The following OR4K14 variants were observed in gnomAD, a reference collection of about 807,000 sequenced individuals.
The protein encoded by OR4K14 is olfactory receptor 4K14.
For synonymous variants in OR4K14, 153 were observed against 141.5 expected (o/e 1.08, Z -0.58); for missense variants, 406 against 373.6 (o/e 1.09, Z -0.72).
chr14:20,014,356 T>TA lies in OR4K14; in HGVS notation c.837dup (p.Thr280TyrfsTer14). The TA allele has an allele frequency of 5.0e-6, 8 of 1,613,140 alleles. No individual in the cohort carries two copies. The highest frequency in any genetic ancestry group is 5.9e-6 in the Non-Finnish European group (7 of 1,179,608). ...TAGATAATGGGGTTCAGGAGTGGAG[T>TA]AAAAATGGTATAAAACACAGACAGC... On this transcript the variant is annotated frameshift_variant, in exon 2 of 2. Coordinates refer to ENST00000641793, the MANE Select transcript of OR4K14 (RefSeq NM_001004712.2). LOFTEE classifies it low-confidence loss of function (END_TRUNC).
intron 1 of OR4K14, among the ~76,000 whole-genome samples, chr14:20,016,375 G>A (rs1877100235): frequency 1.3e-5 from 2 of 151,714 alleles, no homozygotes; most frequent in African/African-American, 2.4e-5. Flanking sequence ...GACTATGGGC[G>A]GGGGGTGATG....
At chr14:20,016,010 A>C (rs1877090556) in intron 1 of OR4K14, among the ~76,000 whole-genome samples, 1 of 149,304 alleles carries the variant, frequency 6.7e-6, no homozygotes, top group African/African-American at 2.4e-5. Flanking sequence ...AGATTTTTTC[A>C]GGGATTCTAT....
Position 20,017,602 on chromosome 14 carries a change from A to T in OR4K14, c.-30+1541T>A, listed in dbSNP as rs1164435618. 2.6e-5 allele frequency among the ~76,000 whole-genome samples: 4 copies of T among 152,116 alleles called. No individual in the cohort carries two copies. In the East Asian group the frequency reaches 7.7e-4, roughly 29 times the overall value. On this transcript the variant is annotated intron_variant, in intron 1 of 1. Coordinates refer to ENST00000641793, the MANE Select transcript of OR4K14 (RefSeq NM_001004712.2). The stretch of plus-strand genomic sequence containing the variant: ...TGACTTTCTTTTAAAAATATTTTAA[A>T]TTATTATGTGGAAGCTGAGCAAAAT...
In OR4K14 at chr14:20,014,665, T is replaced by C; in HGVS notation, c.529A>G (p.Ser177Gly). The C allele has an allele frequency of 6.2e-7, 1 of 1,614,054 alleles. No individual in the cohort carries two copies. Among genetic ancestry groups the C allele is most frequent in the Non-Finnish European group, 8.5e-7 (1 of 1,179,988 alleles). ...ACCAGAGGGAGGTCACAGAAGAAGC[T>C]GTCTACCTCATTGGGGCCACAGTAA... ...LPYCGPNEVD[S>G]FFCDLPLVIK... is the part of the protein sequence containing the mutation. Residue 177 changes from serine to glycine, a missense_variant, in exon 2 of 2, where the codon AGC (serine) becomes GGC (glycine). Coordinates refer to ENST00000641793, the MANE Select transcript of OR4K14 (RefSeq NM_001004712.2).
In OR4K14 at chr14:20,014,247, T is replaced by C. The variant is rs771489330; in HGVS notation, c.*14A>G. The C allele has an allele frequency of 2.0e-6, 3 of 1,536,282 alleles. No individual in the cohort carries two copies. The highest frequency in any genetic ancestry group is 2.7e-6 in the Non-Finnish European group (3 of 1,126,248). On this transcript the variant is annotated 3_prime_UTR_variant, in exon 2 of 2. Coordinates refer to ENST00000641793, the MANE Select transcript of OR4K14 (RefSeq NM_001004712.2). Reference sequence around the variant, plus strand: ...GAATGAATAGAAACATCTAACACTATGGAAGGCTGGATTTCATTGAAAAGT... The same window carrying C: ...GAATGAATAGAAACATCTAACACTACGGAAGGCTGGATTTCATTGAAAAGT...
At position 20,014,381 on chromosome 14, in the gene OR4K14, C is replaced by T. The variant is rs762928527; in HGVS notation, c.813G>A (p.Leu271=). ...TAAAAATGGTATAAAACACAGACAG[C>T]AGCTTGTCCACAGAGAACCTACTGA... The part of the protein sequence containing the change: ...RPFSRFSVDK[L]LSVFYTIFTP... The change falls in exon 2 of 2, where the codon CTG becomes CTA. Residue 271 remains leucine, a synonymous_variant. Coordinates refer to ENST00000641793, the MANE Select transcript of OR4K14 (RefSeq NM_001004712.2). 1.9e-6 allele frequency: 3 copies of T among 1,613,682 alleles called. No homozygotes were observed. Among genetic ancestry groups the T allele is most frequent in the Non-Finnish European group, 1.7e-6 (2 of 1,179,836 alleles).
intron 1 of OR4K14, among the ~76,000 whole-genome samples, chr14:20,016,038 C>T (rs1393312856): frequency 1.4e-5 from 2 of 145,552 alleles, no homozygotes; most frequent in South Asian, 4.5e-4. Context: ...CCATCTCTGT[C>T]GATATCATTG....
In OR4K14 at chr14:20,015,108, A is replaced by G; in HGVS notation, c.86T>C (p.Ile29Thr). Residue 29 changes from isoleucine to threonine, a missense_variant, in exon 2 of 2, where the codon ATA (isoleucine) becomes ACA (threonine). Coordinates refer to ENST00000641793, the MANE Select transcript of OR4K14 (RefSeq NM_001004712.2). ...TSRHLQNFFF[I>T]FFFGVYVAIM... Reference sequence around the variant, plus strand: ...GGCCACATAGACCCCAAAGAAAAATATAAAGAAAAAATTTTGAAGATGTCG... The same window carrying G: ...GGCCACATAGACCCCAAAGAAAAATGTAAAGAAAAAATTTTGAAGATGTCG... 1.2e-6 allele frequency: 2 copies of G among 1,613,958 alleles called. No homozygotes were observed. The highest frequency in any genetic ancestry group is 1.7e-6 in the Non-Finnish European group (2 of 1,179,866).
Position 20,015,128 on chromosome 14 carries a change from A to G in OR4K14, c.66T>C (p.His22=). Residue 22 remains histidine (H), a synonymous_variant, in exon 2 of 2, where the codon CAT becomes CAC. Transcript: ENST00000641793. ...AAAATATAAAGAAAAAATTTTGAAG[A>G]TGTCGTGAAGTGCAGAGTCCATGCA... ...FVLHGLCTSR[H]LQNFFFIFFF... 6.2e-7 allele frequency: 1 copy of G among 1,613,952 alleles called. No homozygotes were observed.
At position 20,016,939 on chromosome 14, in the gene OR4K14, T is replaced by C. The variant is rs74033785; in HGVS notation, c.-29-1717A>G. ...TAAAAATATTTATGGTAAAATGTGT[T>C]GTAATGCTTTTGATTAAATGAGCGA... On this transcript the variant is annotated intron_variant, in intron 1 of 1. Coordinates refer to ENST00000641793, the MANE Select transcript of OR4K14 (RefSeq NM_001004712.2). Among the ~76,000 whole-genome samples, 1,352 of 152,126 alleles carry C rather than the reference T, an allele frequency of 8.9e-3. 18 individuals are homozygous for C. Among genetic ancestry groups the C allele is most frequent in the African/African-American group, 0.031 (1,274 of 41,494 alleles).
At chr14:20,015,538 G>GT (rs1393774666) in intron 1 of OR4K14, among the ~76,000 whole-genome samples, 1 of 152,088 alleles carries the variant, frequency 6.6e-6, no homozygotes, top group African/African-American at 2.4e-5. Flanking sequence ...AAGAGAGTAG[G>GT]TTTTGCATTG....
At chr14:20,015,992 G>T (rs1367073619) in intron 1 of OR4K14, among the ~76,000 whole-genome samples, 1 of 148,912 alleles carries the variant, frequency 6.7e-6, no homozygotes, top group Non-Finnish European at 1.5e-5. Flanking sequence ...GGAGGATTGA[G>T]AATATGAAGA....
At chr14:20,016,237 T>C (rs1466074173) in intron 1 of OR4K14, among the ~76,000 whole-genome samples, 1 of 149,106 alleles carries the variant, frequency 6.7e-6, no homozygotes, top group Non-Finnish European at 1.5e-5. Flanking sequence ...TAGGTAGATG[T>C]ATCTATGTAT....
At chr14:20,016,097 C>T (rs1388663411) in intron 1 of OR4K14, among the ~76,000 whole-genome samples, 1 of 145,090 alleles carries the variant, frequency 6.9e-6, no homozygotes, top group Non-Finnish European at 1.5e-5. Flanking sequence ...GAAATTAAAG[C>T]TTCACTTAAA....
In OR4K14 at chr14:20,015,049, C is replaced by T. The variant is rs772205345; in HGVS notation, c.145G>A (p.Val49Ile). ...MLGNLLILVT[V>I]ISDPCLHSSP... The stretch of plus-strand genomic sequence containing the variant: ...GAGTGCAGGCAGGGATCAGAAATTA[C>T]AGTGACCAAAATGAGAAGGTTACCC... Residue 49 changes from valine (V) to isoleucine (I), a missense_variant, in exon 2 of 2, where the codon GTA becomes ATA. Val to Ile is a conservative substitution (Grantham distance 29). Transcript: ENST00000641793. 3.7e-6 allele frequency: 6 copies of T among 1,614,038 alleles called. No individual in the cohort carries two copies. The highest frequency in any genetic ancestry group is 2.5e-6 in the Non-Finnish European group (3 of 1,179,984).
intron 1 of OR4K14, among the ~76,000 whole-genome samples, chr14:20,017,835 A>T (rs1382503699): frequency 6.6e-6 from 1 of 152,094 alleles, no homozygotes. Context: ...ATTACACATG[A>T]TTGACTAATA....
chr14:20,015,672 G>C (rs1355947026), intron 1 of OR4K14, among the ~76,000 whole-genome samples: 1 of 151,966 alleles, frequency 6.6e-6, no homozygotes, highest in East Asian at 1.9e-4. Flanking sequence ...GAGAGAGGGA[G>C]GGGAAGGAAG....
rs1239244740 is a variant in OR4K14 at position 20,015,062 on chromosome 14, G to T, written c.132C>A (p.Leu44=). The part of the protein sequence containing the change: ...VYVAIMLGNL[L]ILVTVISDPC... The stretch of plus-strand genomic sequence containing the variant: ...GATCAGAAATTACAGTGACCAAAAT[G>T]AGAAGGTTACCCAGCATAATGGCCA... The change falls in exon 2 of 2, where the codon CTC becomes CTA. Residue 44 remains leucine (L), a synonymous_variant. Coordinates refer to ENST00000641793, the MANE Select transcript of OR4K14 (RefSeq NM_001004712.2). 2 of 1,613,982 alleles carry T rather than the reference G, an allele frequency of 1.2e-6. No homozygotes were observed. Among genetic ancestry groups the T allele is most frequent in the Non-Finnish European group, 8.5e-7 (1 of 1,179,922 alleles).
intron 1 of OR4K14, among the ~76,000 whole-genome samples, chr14:20,015,608 A>T (rs1382763148): frequency 6.6e-6 from 1 of 152,202 alleles, no homozygotes; most frequent in Admixed American, 6.5e-5. Flanking sequence ...ATATGAAAAC[A>T]TCATGTTGTA....
Sources: allele counts gnomAD v4.1 joint callset (sites outside exome capture counted in the v4.1 genomes callset), GRCh38; gene constraint gnomAD v4.1.1; transcripts MANE v1.5; gene names NCBI Gene and HGNC (gene_info 2026-07-23, HGNC 2026-07-21).